DLG1: variants seen among roughly 807,000 people sequenced by gnomAD.
The protein encoded by DLG1 is discs large MAGUK scaffold protein 1.
In DLG1, 42 loss-of-function variants were observed where a neutral mutation model predicts 123.4. The ratio of observed to expected loss-of-function variants is 0.34; its 90% confidence interval spans 0.27 to 0.44. The LOEUF is 0.44. Among genes scored for constraint, DLG1 ranks in the 20% least tolerant of loss-of-function variants. DLG1 has a pLI of 1.00. For synonymous variants in DLG1, 317 were observed against 356.2 expected (o/e 0.89, Z 1.24); for missense variants, 942 against 1,082.6 (o/e 0.87, Z 1.82).
At chr3:197,197,174 G>T (rs971520268) in intron 4 of DLG1, among the ~76,000 whole-genome samples, 1 of 152,154 alleles carries the variant, frequency 6.6e-6, no homozygotes, top group Non-Finnish European at 1.5e-5. Flanking sequence ...CTTCAATGCA[G>T]ACCTTTTGCT....
intron 4 of DLG1, among the ~76,000 whole-genome samples, chr3:197,199,871 A>C (rs921727788): frequency 6.6e-6 from 1 of 152,186 alleles, no homozygotes; most frequent in Non-Finnish European, 1.5e-5. Flanking sequence ...AGAATTACAA[A>C]GTGTGATGAG....
At chr3:197,259,773 T>G (rs570351910) in intron 4 of DLG1, among the ~76,000 whole-genome samples, 2 of 152,302 alleles carry the variant, frequency 1.3e-5, no homozygotes, top group South Asian at 4.1e-4. Flanking sequence ...ACAAGTCTAA[T>G]CATTTTAAAT....
At chr3:197,224,601 T>C (rs1193147793) in intron 4 of DLG1, among the ~76,000 whole-genome samples, 3 of 152,208 alleles carry the variant, frequency 2.0e-5, no homozygotes, top group Admixed American at 6.5e-5. Context: ...AAAATCTGTT[T>C]CTATCAGCAG....
intron 5 of DLG1, among the ~76,000 whole-genome samples, chr3:197,159,886 C>G (rs1193927269): frequency 1.3e-5 from 2 of 152,084 alleles, no homozygotes; most frequent in African/African-American, 4.8e-5. Context: ...CAAAACAAAA[C>G]TTGTTCCTTA....
chr3:197,196,856 T>C (rs933768170), intron 4 of DLG1, among the ~76,000 whole-genome samples: 1 of 152,212 alleles, frequency 6.6e-6, no homozygotes, highest in African/African-American at 2.4e-5. Context: ...TACATAAATA[T>C]ATTTAAAATT....
chr3:197,245,945 GATTA>G (rs1751526596), intron 4 of DLG1, among the ~76,000 whole-genome samples: 1 of 150,092 alleles, frequency 6.7e-6, no homozygotes, highest in East Asian at 2.0e-4. Flanking sequence ...GTACCTGGGT[GATTA>G]ATTAACTGTG....
chr3:197,143,084 G>A (rs964713641), intron 6 of DLG1, among the ~76,000 whole-genome samples: 1 of 152,014 alleles, frequency 6.6e-6, no homozygotes, highest in Non-Finnish European at 1.5e-5. Flanking sequence ...TTTCTGATTT[G>A]AACACCTTAA....
Position 197,136,664 on chromosome 3 carries a change from T to A in DLG1, c.898A>T (p.Ile300Phe). Residue 300 changes from isoleucine (I) to phenylalanine (F), a missense_variant, in exon 10 of 25, where the codon ATT becomes TTT. Physicochemically the swap from Ile to Phe is conservative, Grantham distance 21. Transcript: ENST00000667157. Reference protein sequence around the residue: ...IKGPKGLGFSIAGGVGNQHIP... With the variant: ...IKGPKGLGFSFAGGVGNQHIP... ...TGCTGATTTCCAACACCTCCAGCAA[T>A]GCTAAACCCAAGACCTGTTTGGAAA... 6.2e-7 allele frequency: 1 copy of A among 1,611,270 alleles called. No individual in the cohort carries two copies. Among genetic ancestry groups the A allele is most frequent in the Non-Finnish European group, 8.5e-7 (1 of 1,179,152 alleles).
chr3:197,290,145 A>T (rs1239641966), intron 3 of DLG1, among the ~76,000 whole-genome samples: 1 of 152,200 alleles, frequency 6.6e-6, no homozygotes, highest in East Asian at 1.9e-4. Flanking sequence ...AAGGATGGTA[A>T]TAAATGATAA....
At chr3:197,135,860 G>A (rs936835080) in intron 10 of DLG1, among the ~76,000 whole-genome samples, 4 of 150,820 alleles carry the variant, frequency 2.7e-5, no homozygotes, top group Non-Finnish European at 5.9e-5. Flanking sequence ...CACCCAGACT[G>A]CAGTGCAGTG....
At chr3:197,076,434 A>C in intron 18 of DLG1, 152 bp downstream of exon 18, 1 of 476,210 alleles carries the variant, frequency 2.1e-6, no homozygotes, top group Non-Finnish European at 3.8e-6. Flanking sequence ...TAAGATCGGC[A>C]TACAAATTAA....
rs1019872203 is a variant in DLG1 at position 197,131,173 on chromosome 3, T to A, written c.1021-502A>T. ...ATCATATCTGTTAATATTCCCATAT[T>A]TAGATTGGAAAACTATTAGAACACA... is the stretch of plus-strand genomic sequence containing the variant. On this transcript the variant is annotated intron_variant, in intron 10 of 24. Coordinates refer to ENST00000667157, the MANE Select transcript of DLG1 (RefSeq NM_001366207.1). Among the ~76,000 whole-genome samples, 11 of 152,314 alleles carry A rather than the reference T, an allele frequency of 7.2e-5. No individual in the cohort carries two copies. The East Asian group carries it at 2.1e-3, about 29-fold the overall frequency.
intron 4 of DLG1, among the ~76,000 whole-genome samples, chr3:197,222,811 G>A (rs756581560): frequency 1.3e-5 from 2 of 152,096 alleles, no homozygotes; most frequent in Admixed American, 6.5e-5. Flanking sequence ...TTCAATTACT[G>A]CTGTCACCAA....
At chr3:197,200,175 A>G (rs1377396848) in intron 4 of DLG1, among the ~76,000 whole-genome samples, 1 of 152,186 alleles carries the variant, frequency 6.6e-6, no homozygotes. Flanking sequence ...CTATTAGAAA[A>G]TCCAAAATAA....
rs1720956533 is a variant in DLG1, at chr3:197,042,714, C to G, written c.*1909G>C. 6.6e-6 allele frequency: 1 copy of G among 152,144 alleles called. No homozygotes were observed. The highest frequency in any genetic ancestry group is 6.5e-5 in the Admixed American group (1 of 15,280). 9.4% of individuals were successfully genotyped at this position (152,144 alleles called of 1,614,324 possible). A position where few individuals can be genotyped will look rare whatever the true frequency, so the allele number is the denominator to read the frequency against. The stretch of plus-strand genomic sequence containing the variant: ...TTCTGAAGCTCTTGAGATTTTACAA[C>G]AGTTTTCTTCATACTAGTGTGTTTC... On this transcript the variant is annotated 3_prime_UTR_variant, in exon 25 of 25. Coordinates refer to ENST00000667157, the MANE Select transcript of DLG1 (RefSeq NM_001366207.1).
intron 22 of DLG1, among the ~76,000 whole-genome samples, chr3:197,060,235 G>T (rs1457069491): frequency 6.6e-6 from 1 of 152,172 alleles, no homozygotes; most frequent in Non-Finnish European, 1.5e-5. Flanking sequence ...TGAAAATACA[G>T]TTCCTAGTTT....
chr3:197,051,449 TA>T, intron 24 of DLG1, 127 bp downstream of exon 24: 1 of 678,074 alleles, frequency 1.5e-6, no homozygotes, highest in Non-Finnish European at 2.5e-6. Context: ...CACCACTGCC[TA>T]GGCTGGATGA....
At chr3:197,224,995 G>C (rs1468803744) in intron 4 of DLG1, among the ~76,000 whole-genome samples, 1 of 152,302 alleles carries the variant, frequency 6.6e-6, no homozygotes, top group East Asian at 1.9e-4. Context: ...CTCGCTCTGT[G>C]GCCCAGGCCG....
At chr3:197,155,964 A>T (rs1577204963) in intron 5 of DLG1, among the ~76,000 whole-genome samples, 1 of 152,350 alleles carries the variant, frequency 6.6e-6, no homozygotes, top group Non-Finnish European at 1.5e-5. Context: ...AAATAAATAA[A>T]TAAGCCTAAT....
Sources: gnomAD v4.1 joint callset for allele counts (sites outside exome capture counted in the v4.1 genomes callset) on GRCh38, gnomAD v4.1.1 for gene constraint, MANE v1.5 for transcripts, NCBI Gene and HGNC (gene_info 2026-07-23, HGNC 2026-07-21) for gene names.